The following SBF2 variants were observed in gnomAD, a reference collection of about 807,000 sequenced individuals.
The protein encoded by SBF2 is SET binding factor 2.
Under a neutral mutation model 225.2 loss-of-function variants are expected in SBF2, and 112 were observed. The observed-to-expected ratio is 0.50, with a 90% CI of 0.43 to 0.58. The LOEUF (loss-of-function observed/expected upper bound fraction) is 0.58. SBF2 is among the 20% of genes least tolerant of loss of function. SBF2 has a pLI of 0.00. For missense variants in SBF2, 1,996 were observed against 2,206.2 expected (o/e 0.90, Z 1.91); for synonymous variants, 763 against 773.3 (o/e 0.99, Z 0.22).
At chr11:9,865,522 T>C (rs1858120524) in intron 17 of SBF2, among the ~76,000 whole-genome samples, 2 of 151,188 alleles carry the variant, frequency 1.3e-5, no homozygotes, top group Non-Finnish European at 2.9e-5. Flanking sequence ...AAACCCTGTC[T>C]CTACTAAAAA....
intron 17 of SBF2, among the ~76,000 whole-genome samples, chr11:9,870,791 T>C (rs1843431294): frequency 1.3e-5 from 2 of 151,910 alleles, no homozygotes; most frequent in Admixed American, 1.3e-4. Context: ...CTGGCCAACA[T>C]GGTGAAACCC....
chr11:9,837,290 C>T (rs906901687), intron 26 of SBF2, among the ~76,000 whole-genome samples: 2 of 152,148 alleles, frequency 1.3e-5, no homozygotes, highest in Non-Finnish European at 2.9e-5. Flanking sequence ...GCCTTCAGGG[C>T]GCTACTCATG....
intron 16 of SBF2, among the ~76,000 whole-genome samples, chr11:9,917,325 G>GT (rs1443695564): frequency 1.3e-5 from 2 of 151,362 alleles, no homozygotes; most frequent in Middle Eastern, 3.4e-3. Flanking sequence ...CCCATTACAA[G>GT]TTTTTTTGTT....
intron 32 of SBF2, among the ~76,000 whole-genome samples, chr11:9,805,550 G>A (rs1209164375): frequency 1.3e-5 from 2 of 152,072 alleles, no homozygotes; most frequent in Non-Finnish European, 2.9e-5. Context: ...GAAGACTTTT[G>A]TGGAGGGGAA....
At position 9,845,589 on chromosome 11, in the gene SBF2, T is replaced by C. The variant is rs1297679145; in HGVS notation, c.3086A>G (p.Gln1029Arg). 2.5e-6 allele frequency: 4 copies of C among 1,613,780 alleles called. No homozygotes were observed. The highest frequency in any genetic ancestry group is 3.4e-6 in the Non-Finnish European group (4 of 1,179,788). ...CCGAAAAGAAGTGTTCTTTTCCTTCTGTTTTGGTAAAATTATTTGTGGGGT... is the reference window on the plus strand; with the variant it reads ...CCGAAAAGAAGTGTTCTTTTCCTTCCGTTTTGGTAAAATTATTTGTGGGGT... ...QTTPQIILPK[Q>R]KEKNTSFRTF... The change falls in exon 24 of 40, where the codon CAG (glutamine) becomes CGG (arginine). Residue 1029 changes from glutamine (Q) to arginine (R), a missense_variant. Transcript: ENST00000256190.
chr11:9,868,655 G>A (rs967017035), intron 17 of SBF2, among the ~76,000 whole-genome samples: 1 of 152,162 alleles, frequency 6.6e-6, no homozygotes, highest in African/African-American at 2.4e-5. Context: ...TATATTGCTA[G>A]CATCAATTTT....
At chr11:9,788,362 C>T (rs374915068) in intron 35 of SBF2, among the ~76,000 whole-genome samples, 1 of 152,268 alleles carries the variant, frequency 6.6e-6, no homozygotes, top group East Asian at 1.9e-4. Flanking sequence ...AGGCTGGCTA[C>T]TGCCAGGAGG....
At chr11:9,797,998 A>G (rs1205382348) in intron 32 of SBF2, among the ~76,000 whole-genome samples, 4 of 151,860 alleles carry the variant, frequency 2.6e-5, no homozygotes, top group African/African-American at 9.7e-5. Flanking sequence ...ATGAATGAAT[A>G]AATGATAAAG....
chr11:10,145,141 G>T (rs1263575631), intron 2 of SBF2, among the ~76,000 whole-genome samples: 1 of 152,174 alleles, frequency 6.6e-6, no homozygotes, highest in Non-Finnish European at 1.5e-5. Flanking sequence ...ACAACCTGGA[G>T]ACTGAAGATG....
chr11:10,130,148 G>T (rs891199248), intron 2 of SBF2, among the ~76,000 whole-genome samples: 5 of 152,248 alleles, frequency 3.3e-5, no homozygotes, highest in African/African-American at 1.2e-4. Flanking sequence ...AGATCACGAG[G>T]TCAGGAGATT....
intron 6 of SBF2, among the ~76,000 whole-genome samples, chr11:10,009,340 T>G (rs531486696): frequency 2.6e-5 from 4 of 152,178 alleles, no homozygotes; most frequent in Admixed American, 2.6e-4. Flanking sequence ...ACCTGTGCCA[T>G]GGTGGTTTGC....
intron 17 of SBF2, among the ~76,000 whole-genome samples, chr11:9,876,182 CAT>C (rs1226605046): frequency 2.0e-5 from 3 of 152,134 alleles, no homozygotes. Context: ...GTGTACTAAA[CAT>C]ACTCTTTGCT....
At chr11:9,810,903 C>A (rs1325978878) in intron 30 of SBF2, 1 of 152,196 alleles carries the variant, frequency 6.6e-6, no homozygotes, top group Admixed American at 6.5e-5. Flanking sequence ...CATAAAGTCA[C>A]ATGCACACAC....
chr11:10,284,499 A>G (rs1963616359), intron 1 of SBF2, among the ~76,000 whole-genome samples: 1 of 152,140 alleles, frequency 6.6e-6, no homozygotes, highest in Non-Finnish European at 1.5e-5. Flanking sequence ...CCTATGATGT[A>G]CCAGGCACCC....
At chr11:9,810,875 G>A (rs766137793) in intron 30 of SBF2, 16 of 152,128 alleles carry the variant, frequency 1.1e-4, no homozygotes, top group Admixed American at 2.0e-4. Flanking sequence ...ATACCCAAAG[G>A]AATATAAATT....
intron 1 of SBF2, among the ~76,000 whole-genome samples, chr11:10,213,989 A>G (rs1029841771): frequency 6.6e-6 from 1 of 152,230 alleles, no homozygotes; most frequent in East Asian, 1.9e-4. Context: ...GTTATAAGAC[A>G]AAAGACTCTT....
At chr11:10,099,703 G>C (rs897322077) in intron 2 of SBF2, among the ~76,000 whole-genome samples, 6 of 152,110 alleles carry the variant, frequency 3.9e-5, no homozygotes, top group African/African-American at 1.2e-4. Context: ...ATAACAAACT[G>C]TTGGGGTGGG....
chr11:9,788,589 CT>C (rs34787805), intron 35 of SBF2, among the ~76,000 whole-genome samples: 44,656 of 122,102 alleles, frequency 0.37, 8,811 homozygotes, highest in East Asian at 0.63. Flanking sequence ...TGGAAAATCA[CT>C]TTTTTTTTTT....
intron 2 of SBF2, among the ~76,000 whole-genome samples, chr11:10,165,291 T>C (rs1336399847): frequency 6.6e-6 from 1 of 152,162 alleles, no homozygotes; most frequent in Non-Finnish European, 1.5e-5. Context: ...TGCATTGCTA[T>C]TGGTATTTGA....
Sources: allele counts gnomAD v4.1 joint callset (sites outside exome capture counted in the v4.1 genomes callset), GRCh38; gene constraint gnomAD v4.1.1; transcripts MANE v1.5; gene names NCBI Gene and HGNC (gene_info 2026-07-23, HGNC 2026-07-21).